FHIT: variants seen among roughly 807,000 people sequenced by gnomAD.
FHIT encodes bis(5'-adenosyl)-triphosphatase.
Under a neutral mutation model 17.9 loss-of-function variants are expected in FHIT, and 19 were observed. The observed-to-expected ratio is 1.06, with a 90% CI of 0.74 to 1.56. The LOEUF is 1.56. Ranked by LOEUF, FHIT falls within the 40% of genes most tolerant of loss-of-function variation. The pLI is 0.00. For synonymous variants in FHIT, 81 were observed against 69.7 expected (o/e 1.16, Z -0.81); for missense variants, 248 against 189.2 (o/e 1.31, Z -1.82).
intron 5 of FHIT, among the ~76,000 whole-genome samples, chr3:60,428,957 GC>G (rs1314346198): frequency 1.3e-5 from 2 of 152,076 alleles, no homozygotes; most frequent in Non-Finnish European, 2.9e-5. Flanking sequence ...CAGTTACTCT[GC>G]TTGGCCTTAA....
intron 5 of FHIT, among the ~76,000 whole-genome samples, chr3:60,297,302 C>A (rs949513881): frequency 6.6e-6 from 1 of 152,060 alleles, no homozygotes; most frequent in African/African-American, 2.4e-5. Flanking sequence ...TTGAGATCAT[C>A]TTTGCTTTCT....
chr3:61,127,996 C>T (rs558233046), intron 2 of FHIT, among the ~76,000 whole-genome samples: 3 of 152,044 alleles, frequency 2.0e-5, no homozygotes, highest in African/African-American at 7.2e-5. Flanking sequence ...AAGTATTAAA[C>T]GGGTAAAAAA....
chr3:60,573,794 T>C (rs2037470224), intron 4 of FHIT, among the ~76,000 whole-genome samples: 1 of 151,880 alleles, frequency 6.6e-6, no homozygotes, highest in South Asian at 2.1e-4. Context: ...TCTGCGTTCA[T>C]TTATGTCTTG....
chr3:60,299,346 T>A (rs932308904), intron 5 of FHIT, among the ~76,000 whole-genome samples: 3 of 152,148 alleles, frequency 2.0e-5, no homozygotes, highest in African/African-American at 7.2e-5. Context: ...ATGAAGGATG[T>A]TGGTCTGCAG....
intron 8 of FHIT, among the ~76,000 whole-genome samples, chr3:59,884,542 T>C (rs1212424675): frequency 3.3e-5 from 5 of 152,198 alleles, no homozygotes; most frequent in Admixed American, 1.3e-4. Flanking sequence ...TATTGTGTCA[T>C]TGTTGAAGTT....
At chr3:61,218,823 G>A (rs1011063564) in intron 1 of FHIT, among the ~76,000 whole-genome samples, 1 of 152,128 alleles carries the variant, frequency 6.6e-6, no homozygotes, top group African/African-American at 2.4e-5. Context: ...TCTATAAAAT[G>A]TATGGCCTTT....
chr3:60,524,197 GACACACACACACACACACACAC>G (rs56975783), intron 5 of FHIT, among the ~76,000 whole-genome samples: 50 of 144,996 alleles, frequency 3.4e-4, no homozygotes, highest in Middle Eastern at 3.6e-3. Context: ...GTCAGCCTGA[GACACACACACACACACACACAC>G]ACACACACAC....
chr3:61,139,470 A>G (rs1413515220), intron 2 of FHIT, among the ~76,000 whole-genome samples: 1 of 152,072 alleles, frequency 6.6e-6, no homozygotes, highest in African/African-American at 2.4e-5. Context: ...TGGGACATCA[A>G]TTCCAGGACC....
intron 6 of FHIT, among the ~76,000 whole-genome samples, chr3:60,012,514 C>G (rs142541945): frequency 1.3e-5 from 2 of 151,994 alleles, no homozygotes; most frequent in Admixed American, 1.3e-4. Context: ...AGAGAGCTGC[C>G]GGTCTTAGCC....
Position 60,667,228 on chromosome 3 carries a change from A to G in FHIT, c.-17-130249T>C, listed in dbSNP as rs564302915. The stretch of plus-strand genomic sequence containing the variant: ...ATCTTTATCCTCTTCTGGGACTCCA[A>G]TGACATGAATGTTGGGCCATTTGTC... On this transcript the variant is annotated intron_variant, in intron 4 of 9. Transcript: ENST00000492590. Among the ~76,000 whole-genome samples the G allele has an allele frequency of 7.8e-4, 118 of 151,566 alleles. 1 individual carries two copies. Among genetic ancestry groups the G allele is most frequent in the Non-Finnish European group, 1.1e-3 (76 of 67,888 alleles).
At chr3:61,119,994 C>A (rs1349242871) in intron 2 of FHIT, among the ~76,000 whole-genome samples, 1 of 152,234 alleles carries the variant, frequency 6.6e-6, no homozygotes, top group Non-Finnish European at 1.5e-5. Context: ...CATAATAAAT[C>A]TCTTTTTATT....
intron 5 of FHIT, among the ~76,000 whole-genome samples, chr3:60,224,742 A>G (rs1704115576): frequency 6.7e-6 from 1 of 150,200 alleles, no homozygotes; most frequent in African/African-American, 2.5e-5. Flanking sequence ...ATTTTATTTT[A>G]TTTGACAGGG....
intron 2 of FHIT, among the ~76,000 whole-genome samples, chr3:61,052,744 C>G (rs1465665440): frequency 6.6e-6 from 1 of 152,174 alleles, no homozygotes; most frequent in Non-Finnish European, 1.5e-5. Context: ...TGCTGCACTA[C>G]ACTTTATTGT....
At chr3:61,010,934 A>C (rs1232468907) in intron 3 of FHIT, among the ~76,000 whole-genome samples, 1 of 152,202 alleles carries the variant, frequency 6.6e-6, no homozygotes, top group Non-Finnish European at 1.5e-5. Context: ...TAATGGCATA[A>C]TGATATATTG....
chr3:60,193,730 G>A (rs1702503484), intron 5 of FHIT, among the ~76,000 whole-genome samples: 1 of 152,142 alleles, frequency 6.6e-6, no homozygotes, highest in South Asian at 2.1e-4. Context: ...ACAGTTTAGT[G>A]GGGGACACAG....
At chr3:60,280,162 A>C (rs567427746) in intron 5 of FHIT, among the ~76,000 whole-genome samples, 63 of 152,248 alleles carry the variant, frequency 4.1e-4, no homozygotes, top group African/African-American at 1.5e-3. Context: ...CACTGACAAA[A>C]TCCCACACTC....
chr3:60,315,980 A>G (rs956230122), intron 5 of FHIT, among the ~76,000 whole-genome samples: 6 of 152,122 alleles, frequency 3.9e-5, no homozygotes, highest in Non-Finnish European at 2.9e-5. Flanking sequence ...GCAATTTATG[A>G]TTTGTCCTTC....
chr3:60,493,235 A>G lies in FHIT; in HGVS notation c.103+43625T>C, dbSNP rs2034142149. ...CACACAAGGACAAAAAGTGCCTATG[A>G]CGTGAGTTTTAAGTTTAAAATACAG... On this transcript the variant is annotated intron_variant, in intron 5 of 9. Coordinates refer to ENST00000492590, the MANE Select transcript of FHIT (RefSeq NM_002012.4). 2.6e-5 allele frequency among the ~76,000 whole-genome samples: 4 copies of G among 152,188 alleles called. No individual in the cohort carries two copies. The South Asian group carries it at 8.3e-4, about 32-fold the overall frequency.
At chr3:60,598,102 C>A (rs578247007) in intron 4 of FHIT, among the ~76,000 whole-genome samples, 89 of 152,122 alleles carry the variant, frequency 5.9e-4, no homozygotes, top group Admixed American at 1.7e-3. Context: ...TAAGCACCCA[C>A]CATCGAAGTT....
Sources: gnomAD v4.1 joint callset for allele counts (sites outside exome capture counted in the v4.1 genomes callset) on GRCh38, gnomAD v4.1.1 for gene constraint, MANE v1.5 for transcripts, NCBI Gene and HGNC (gene_info 2026-07-23, HGNC 2026-07-21) for gene names.